SIPA1L3: variants seen among roughly 807,000 people sequenced by gnomAD.
The protein encoded by SIPA1L3 is signal-induced proliferation-associated 1-like protein 3.
Under a neutral mutation model 150.1 loss-of-function variants are expected in SIPA1L3, and 59 were observed. The ratio of observed to expected loss-of-function variants is 0.39; its 90% CI spans 0.32 to 0.49. The LOEUF (loss-of-function observed/expected upper bound fraction) is 0.49, where lower values mean the gene tolerates loss of function less well. Among genes scored for constraint, SIPA1L3 ranks in the 20% least tolerant of loss-of-function variants. The pLI, the probability that SIPA1L3 is intolerant of heterozygous loss-of-function variation, is 0.86. For missense variants in SIPA1L3, 2,211 were observed against 2,489.5 expected (o/e 0.89, Z 2.38); for synonymous variants, 1,070 against 1,077.6 (o/e 0.99, Z 0.14).
At chr19:38,031,523 C>T (rs1339722712) in intron 2 of SIPA1L3, among the ~76,000 whole-genome samples, 1 of 152,142 alleles carries the variant, frequency 6.6e-6, no homozygotes, top group Non-Finnish European at 1.5e-5. Flanking sequence ...TTCTCATGAC[C>T]TGATTGAGGT....
chr19:37,998,040 T>C (rs1967687385), intron 1 of SIPA1L3, among the ~76,000 whole-genome samples: 1 of 152,140 alleles, frequency 6.6e-6, no homozygotes, highest in Non-Finnish European at 1.5e-5. Flanking sequence ...AAGAGCTAGA[T>C]AACCTTGGGC....
intron 20 of SIPA1L3, 145 bp from the exon 21 acceptor site, chr19:38,203,982 C>T: frequency 1.6e-6 from 1 of 640,252 alleles, no homozygotes; most frequent in Non-Finnish European, 2.7e-6. Flanking sequence ...GGCTGGCTTC[C>T]TGCTTCCCCT....
intron 1 of SIPA1L3, among the ~76,000 whole-genome samples, chr19:37,976,104 TAAAAAAAA>T (rs374630193): frequency 3.3e-5 from 4 of 120,324 alleles, no homozygotes; most frequent in African/African-American, 1.2e-4. Context: ...GGCTCTGTCT[TAAAAAAAA>T]AAAAAAGAAA....
At position 38,082,133 on chromosome 19, in the gene SIPA1L3, G is replaced by A; in HGVS notation, c.568G>A (p.Ala190Thr). ...GGAGGACGCGGGGGAGCCGCGGGGG[G>A]CCCGGCACACGGGGGCGCTGCCCCT... Reference protein sequence around the residue: ...DAEDAGEPRGARHTGALPLFR... With the variant: ...DAEDAGEPRGTRHTGALPLFR... The change falls in exon 3 of 22, where the codon GCC (alanine) becomes ACC (threonine). Residue 190 changes from alanine to threonine, a missense_variant. Transcript: ENST00000222345. 1.2e-6 allele frequency: 2 copies of A among 1,606,248 alleles called. No individual in the cohort carries two copies. The highest frequency in any genetic ancestry group is 1.7e-6 in the Non-Finnish European group (2 of 1,179,142).
intron 1 of SIPA1L3, among the ~76,000 whole-genome samples, chr19:37,912,968 G>T (rs978145963): frequency 1.3e-5 from 2 of 152,210 alleles, no homozygotes; most frequent in African/African-American, 4.8e-5. Context: ...TGGGTGGTGG[G>T]GGTGAGGGGC....
At chr19:38,198,568 C>G in intron 19 of SIPA1L3, 36 bp downstream of exon 19, 1 of 1,462,306 alleles carries the variant, frequency 6.8e-7, no homozygotes, top group Non-Finnish European at 9.1e-7. Context: ...CAGGCCCCCA[C>G]CCCGTCCTCT....
At chr19:38,014,176 T>G (rs1384115747) in intron 1 of SIPA1L3, among the ~76,000 whole-genome samples, 1 of 152,220 alleles carries the variant, frequency 6.6e-6, no homozygotes, top group Non-Finnish European at 1.5e-5. Context: ...CCCATGGCAT[T>G]CGTGCTGGTA....
intron 1 of SIPA1L3, among the ~76,000 whole-genome samples, chr19:38,013,119 G>T (rs765797840): frequency 1.3e-5 from 2 of 152,146 alleles, no homozygotes; most frequent in Non-Finnish European, 2.9e-5. Context: ...AGCTCCCGTT[G>T]CCTCCTGCTC....
intron 1 of SIPA1L3, among the ~76,000 whole-genome samples, chr19:38,005,041 C>A (rs770816508): frequency 1.3e-5 from 2 of 152,092 alleles, no homozygotes; most frequent in African/African-American, 4.8e-5. Context: ...CCGGACTAAC[C>A]GGGGCCGAGG....
rs528922318 is a variant in SIPA1L3, at chr19:38,195,793, TCCC to T, written c.4840+2019_4840+2021del. Among the ~76,000 whole-genome samples the T allele has an allele frequency of 1.1e-3, 23 of 20,038 alleles. 1 individual carries two copies. The South Asian group carries it at 0.026, about 23-fold the overall frequency. 13.1% of individuals were successfully genotyped at this position (20,038 alleles called of 152,430 possible). A position where few individuals can be genotyped will look rare whatever the true frequency, so the allele number is the denominator to read the frequency against. ...GAGTCAGGCACCACCACAGGCCCCG[TCCC>T]CCCCCGCCCCCCCGGGTTTCTCTCA... is the stretch of plus-strand genomic sequence containing the variant. On this transcript the variant is annotated intron_variant, in intron 18 of 21. Coordinates refer to ENST00000222345, the MANE Select transcript of SIPA1L3 (RefSeq NM_015073.3).
At chr19:38,000,932 AAC>A (rs1967783010) in intron 1 of SIPA1L3, among the ~76,000 whole-genome samples, 1 of 129,772 alleles carries the variant, frequency 7.7e-6, no homozygotes, top group Non-Finnish European at 1.6e-5. Context: ...ACATATATAT[AAC>A]ATATATAACA....
chr19:38,187,715 C>CAAAAA (rs34187992), intron 16 of SIPA1L3, among the ~76,000 whole-genome samples: 8 of 59,538 alleles, frequency 1.3e-4, no homozygotes, highest in Non-Finnish European at 1.8e-4. Flanking sequence ...GACTCCGTCT[C>CAAAAA]AAAAAAAAAA....
chr19:38,056,742 G>C (rs1969324208), intron 2 of SIPA1L3, among the ~76,000 whole-genome samples: 1 of 152,110 alleles, frequency 6.6e-6, no homozygotes, highest in South Asian at 2.1e-4. Context: ...CCCTGATTTT[G>C]AAACATTCAC....
intron 1 of SIPA1L3, among the ~76,000 whole-genome samples, chr19:37,984,512 T>C (rs1346696846): frequency 6.6e-6 from 1 of 152,036 alleles, no homozygotes; most frequent in Non-Finnish European, 1.5e-5. Context: ...CTGCGAAACA[T>C]TAAGGAAAGA....
At chr19:38,122,237 G>A (rs140803325) in intron 9 of SIPA1L3, among the ~76,000 whole-genome samples, 3 of 152,146 alleles carry the variant, frequency 2.0e-5, no homozygotes, top group African/African-American at 7.2e-5. Flanking sequence ...ACAAACAAAA[G>A]CAAACTCCTG....
intron 9 of SIPA1L3, among the ~76,000 whole-genome samples, chr19:38,126,480 T>C (rs1402909502): frequency 6.6e-6 from 1 of 152,174 alleles, no homozygotes; most frequent in Non-Finnish European, 1.5e-5. Context: ...TTTTTGTGAT[T>C]TTTTTAAGCT....
At chr19:38,061,024 C>A (rs1568526859) in intron 2 of SIPA1L3, among the ~76,000 whole-genome samples, 1 of 151,848 alleles carries the variant, frequency 6.6e-6, no homozygotes, top group South Asian at 2.1e-4. Flanking sequence ...TGGGAGTATG[C>A]TTTTCTTCCG....
At chr19:37,968,937 A>C (rs2046928967) in intron 1 of SIPA1L3, among the ~76,000 whole-genome samples, 1 of 152,250 alleles carries the variant, frequency 6.6e-6, no homozygotes, top group Non-Finnish European at 1.5e-5. Context: ...GTGGAACCCC[A>C]TTGACACATC....
chr19:38,073,572 G>A (rs1034579250), intron 2 of SIPA1L3, among the ~76,000 whole-genome samples: 5 of 152,278 alleles, frequency 3.3e-5, no homozygotes, highest in African/African-American at 4.8e-5. Context: ...TGTGTCACTC[G>A]GGGTCCTCTG....
Sources: allele counts gnomAD v4.1 joint callset (sites outside exome capture counted in the v4.1 genomes callset), GRCh38; gene constraint gnomAD v4.1.1; transcripts MANE v1.5; gene names NCBI Gene and HGNC (gene_info 2026-07-23, HGNC 2026-07-21).